The following NOS1 variants were observed in gnomAD, a reference collection of about 807,000 sequenced individuals.
NOS1 encodes NOS type I.
Under a neutral mutation model 164.5 loss-of-function variants are expected in NOS1, and 51 were observed. That is an observed-to-expected ratio of 0.31 (90% CI 0.25 to 0.39). NOS1 has a LOEUF of 0.39. NOS1 is among the 10% of genes least tolerant of loss of function. NOS1 has a pLI of 1.00. For synonymous variants in NOS1, 719 were observed against 745.8 expected (o/e 0.96, Z 0.59); for missense variants, 1,362 against 1,885.6 (o/e 0.72, Z 5.14).
rs79066971 is a variant in NOS1, at chr12:117,349,170, G to A, written c.-421+12342C>T. Among the ~76,000 whole-genome samples the A allele has an allele frequency of 9.5e-3, 1,454 of 152,306 alleles. 27 individuals carry two copies. Among genetic ancestry groups the A allele is most frequent in the African/African-American group, 0.034 (1,393 of 41,546 alleles). ...AACCACTAATCTGCTTTCTGCCTCC[G>A]TGGATTTGTCTATTCTGGATACTGC... On this transcript the variant is annotated intron_variant, in intron 1 of 28. Coordinates refer to ENST00000317775, the MANE Select transcript of NOS1 (RefSeq NM_000620.5).
rs1869290238 is a variant in NOS1 at position 117,232,146 on chromosome 12, G to C, written c.3236-15C>G. ...ACTGATGACACCTGTGGAGGTACAAGGCAGGTGACAGGTGGGTGTGGGAGG... is the reference window on the plus strand; with the variant it reads ...ACTGATGACACCTGTGGAGGTACAACGCAGGTGACAGGTGGGTGTGGGAGG... On this transcript the variant is annotated splice_polypyrimidine_tract_variant and intron_variant, in intron 21 of 28. Coordinates refer to ENST00000317775, the MANE Select transcript of NOS1 (RefSeq NM_000620.5). 2.5e-6 allele frequency: 4 copies of C among 1,611,112 alleles called. No individual in the cohort carries two copies. In the African/African-American group the frequency reaches 5.3e-5, roughly 22 times the overall value.
chr12:117,324,252 G>C (rs1286527318), intron 2 of NOS1, among the ~76,000 whole-genome samples: 1 of 152,164 alleles, frequency 6.6e-6, no homozygotes, highest in Non-Finnish European at 1.5e-5. Flanking sequence ...GACACTCTCG[G>C]AAGAGGTTGA....
At chr12:117,300,304 C>T (rs906140910) in intron 3 of NOS1, among the ~76,000 whole-genome samples, 3 of 152,200 alleles carry the variant, frequency 2.0e-5, no homozygotes, top group African/African-American at 7.2e-5. Context: ...TTGTGAACCA[C>T]AGTGTCATTG....
intron 1 of NOS1, among the ~76,000 whole-genome samples, chr12:117,334,868 C>T (rs551452279): frequency 2.0e-5 from 3 of 152,294 alleles, no homozygotes; most frequent in Admixed American, 6.5e-5. Flanking sequence ...CCGCTTGTCC[C>T]GGTTTTTGAA....
At position 117,208,205 on chromosome 12, in the gene NOS1, C is replaced by T; in HGVS notation, c.*7104G>A. On this transcript the variant is annotated 3_prime_UTR_variant, in exon 29 of 29. Transcript: ENST00000317775. ...AAGCATAATAGGCTTTTGTTGAATCCCATAAAATTGGAAGATGAGAACTAT... is the reference window on the plus strand; with the variant it reads ...AAGCATAATAGGCTTTTGTTGAATCTCATAAAATTGGAAGATGAGAACTAT... 1 of 1,115,062 alleles carries T rather than the reference C, an allele frequency of 9.0e-7. No homozygotes were observed. The highest frequency in any genetic ancestry group is 1.5e-5 in the South Asian group (1 of 67,518). The allele number at this position is 1,115,062 out of a possible 1,614,324, so 69.1% of individuals were successfully genotyped here. A position where few individuals can be genotyped will look rare whatever the true frequency, so the allele number is the denominator to read the frequency against.
intron 2 of NOS1, among the ~76,000 whole-genome samples, chr12:117,320,599 G>T (rs1874868625): frequency 6.6e-6 from 1 of 152,186 alleles, no homozygotes; most frequent in Non-Finnish European, 1.5e-5. Context: ...GCCACCAAGT[G>T]TGGGGTGATT....
intron 7 of NOS1, among the ~76,000 whole-genome samples, chr12:117,284,050 A>T (rs918113906): frequency 1.3e-5 from 2 of 152,146 alleles, no homozygotes; most frequent in Admixed American, 1.3e-4. Context: ...CTTAGATTAC[A>T]GGCCGTTTTC....
At chr12:117,328,415 C>T (rs947307827) in intron 2 of NOS1, among the ~76,000 whole-genome samples, 12 of 152,128 alleles carry the variant, frequency 7.9e-5, no homozygotes, top group Admixed American at 3.3e-4. Flanking sequence ...GTGATCTGCT[C>T]GTCTCAGCCT....
chr12:117,214,872 C>G lies in NOS1; in HGVS notation c.*437G>C. Reference sequence around the variant, plus strand: ...ACACACACACACACACACACAGGCACGCACAACCAAAATGTCATCATAAAA... The same window carrying G: ...ACACACACACACACACACACAGGCAGGCACAACCAAAATGTCATCATAAAA... On this transcript the variant is annotated 3_prime_UTR_variant, in exon 29 of 29. Transcript: ENST00000317775. 1.0e-6 allele frequency: 1 copy of G among 990,076 alleles called. No homozygotes were observed. Among genetic ancestry groups the G allele is most frequent in the Non-Finnish European group, 1.2e-6 (1 of 833,986 alleles). 61.3% of individuals were successfully genotyped at this position (990,076 alleles called of 1,614,324 possible). A position where few individuals can be genotyped will look rare whatever the true frequency, so the allele number is the denominator to read the frequency against.
chr12:117,284,572 T>A (rs1873949253), intron 7 of NOS1, among the ~76,000 whole-genome samples: 2 of 152,198 alleles, frequency 1.3e-5, no homozygotes, highest in African/African-American at 2.4e-5. Context: ...CAAGACACAG[T>A]AAAAGCAGGT....
chr12:117,272,371 G>C lies in NOS1; in HGVS notation c.1839+14C>G. ...ATGTGCTTTTCCCCTGTGGTGACCA[G>C]AGAGGGCCCTTACCTCCAGGATATT... On this transcript the variant is annotated intron_variant, in intron 10 of 28. Coordinates refer to ENST00000317775, the MANE Select transcript of NOS1 (RefSeq NM_000620.5). The surrounding 1 kb of genome is among the most constrained non-coding windows in gnomAD (Gnocchi z 4.3). The C allele has an allele frequency of 6.2e-7, 1 of 1,614,030 alleles. No individual in the cohort carries two copies.
At position 117,227,435 on chromosome 12, in the gene NOS1, A is replaced by G; in HGVS notation, c.3612T>C (p.Thr1204=). ...TCTCCCAGTGCCTCCGCCCACCTCG[A>G]GTGCGGTAGGAAACGATGGCCACAG... is the stretch of plus-strand genomic sequence containing the variant. ...HLTVAIVSYR[T]RDGEGPIHHG... The change falls in exon 23 of 29, where the codon ACT becomes ACC. Residue 1204 remains threonine, a synonymous_variant. Transcript: ENST00000317775. 1.2e-6 allele frequency: 2 copies of G among 1,613,808 alleles called. No homozygotes were observed. The highest frequency in any genetic ancestry group is 1.7e-6 in the Non-Finnish European group (2 of 1,179,896).
At chr12:117,252,349 G>C (rs1302570861) in intron 17 of NOS1, among the ~76,000 whole-genome samples, 1 of 152,140 alleles carries the variant, frequency 6.6e-6, no homozygotes, top group Non-Finnish European at 1.5e-5. Context: ...ATTAGCTCAT[G>C]GGTTGTAAAA....
At chr12:117,339,936 G>A (rs1441697377) in intron 1 of NOS1, among the ~76,000 whole-genome samples, 3 of 152,220 alleles carry the variant, frequency 2.0e-5, no homozygotes, top group Non-Finnish European at 4.4e-5. Context: ...AAGGGGGCTG[G>A]AAGGCTAGAA....
At chr12:117,281,310 A>C (rs1716961445) in intron 7 of NOS1, among the ~76,000 whole-genome samples, 1 of 151,654 alleles carries the variant, frequency 6.6e-6, no homozygotes, top group South Asian at 2.1e-4. Context: ...TCAGGAAGTC[A>C]GGTGTTTGAG....
intron 16 of NOS1, among the ~76,000 whole-genome samples, chr12:117,254,717 T>C (rs574501970): frequency 2.0e-5 from 3 of 152,318 alleles, no homozygotes; most frequent in South Asian, 2.1e-4. Context: ...CACTGGGTCA[T>C]AGCAGGGTGT....
intron 3 of NOS1, among the ~76,000 whole-genome samples, chr12:117,309,861 C>A (rs1034975201): frequency 6.6e-6 from 1 of 152,252 alleles, no homozygotes; most frequent in Middle Eastern, 3.4e-3. Context: ...CACAAATGTA[C>A]GTGAATTTTG....
At chr12:117,350,272 C>T (rs1412025869) in intron 1 of NOS1, among the ~76,000 whole-genome samples, 1 of 152,208 alleles carries the variant, frequency 6.6e-6, no homozygotes, top group Non-Finnish European at 1.5e-5. Flanking sequence ...GCACAGCACG[C>T]CATTGCCATG....
At chr12:117,240,639 C>T (rs74918572) in intron 20 of NOS1, among the ~76,000 whole-genome samples, 2,520 of 152,302 alleles carry the variant, frequency 0.017, 82 homozygotes, top group African/African-American at 0.056. Context: ...GCCTACTTCC[C>T]AGGCTGGTTA....
Sources: gnomAD v4.1 joint callset for allele counts (sites outside exome capture counted in the v4.1 genomes callset) on GRCh38, gnomAD v4.1.1 for gene constraint, Gnocchi (gnomAD v3.1) non-coding constraint, MANE v1.5 for transcripts, NCBI Gene and HGNC (gene_info 2026-07-23, HGNC 2026-07-21) for gene names.